Variants in EPB41L3 observed in about 807,000 individuals in gnomAD.
The protein encoded by EPB41L3 is band 4.1-like protein 3.
A neutral mutation model predicts 127.1 loss-of-function variants in EPB41L3; 57 were observed. The ratio of observed to expected loss-of-function variants is 0.45; its 90% CI spans 0.36 to 0.56. EPB41L3 has a LOEUF of 0.56. Among genes scored for constraint, EPB41L3 ranks in the 20% least tolerant of loss-of-function variants. The pLI is 0.00. For missense variants in EPB41L3, 1,273 were observed against 1,372.2 expected (o/e 0.93, Z 1.14); for synonymous variants, 572 against 549.5 (o/e 1.04, Z -0.57).
At chr18:5,426,464 C>A (rs1168256524) in intron 9 of EPB41L3, among the ~76,000 whole-genome samples, 2 of 152,216 alleles carry the variant, frequency 1.3e-5, no homozygotes, top group African/African-American at 2.4e-5. Context: ...TCCCTCCCGT[C>A]TATTCCCACA....
chr18:5,508,561 A>T (rs2148636750), intron 1 of EPB41L3, among the ~76,000 whole-genome samples: 1 of 152,010 alleles, frequency 6.6e-6, no homozygotes, highest in African/African-American at 2.4e-5. Flanking sequence ...AGGTCAGGAG[A>T]TCGAGACCAT....
chr18:5,439,932 GAATA>G (rs2080426047), intron 5 of EPB41L3, among the ~76,000 whole-genome samples: 2 of 152,152 alleles, frequency 1.3e-5, no homozygotes, highest in Non-Finnish European at 2.9e-5. Flanking sequence ...TGAATCCAAT[GAATA>G]GTTTAGCAAT....
intron 3 of EPB41L3, among the ~76,000 whole-genome samples, chr18:5,456,343 G>T (rs1442034150): frequency 1.3e-5 from 2 of 152,108 alleles, no homozygotes; most frequent in Non-Finnish European, 2.9e-5. Context: ...GAAAGAGAAA[G>T]AATATCAAGG....
chr18:5,424,178 T>C, intron 10 of EPB41L3, 84 bp downstream of exon 10: 1 of 945,472 alleles, frequency 1.1e-6, no homozygotes, highest in Non-Finnish European at 1.5e-6. Flanking sequence ...AAGAATAAAA[T>C]TCCATATTTT....
intron 1 of EPB41L3, among the ~76,000 whole-genome samples, chr18:5,541,115 T>C (rs1598832449): frequency 1.4e-5 from 2 of 142,002 alleles, no homozygotes; most frequent in African/African-American, 5.2e-5. Flanking sequence ...TAGCAGGGTG[T>C]GGTGGTGGTC....
chr18:5,436,431 C>T (rs190996343), intron 6 of EPB41L3, among the ~76,000 whole-genome samples: 5,704 of 111,020 alleles, frequency 0.051, 418 homozygotes, highest in African/African-American at 0.17. Context: ...TTTTTTGAGA[C>T]GGAGTCTCAC....
intron 3 of EPB41L3, among the ~76,000 whole-genome samples, chr18:5,558,602 G>A (rs1238440932): frequency 6.6e-6 from 1 of 152,186 alleles, no homozygotes; most frequent in Non-Finnish European, 1.5e-5. Flanking sequence ...GTCAGTCAGA[G>A]TTGAGTTTAA....
At position 5,415,975 on chromosome 18, in the gene EPB41L3, A is replaced by T. The variant is rs746659318; in HGVS notation, c.1910T>A (p.Leu637His). ...AGACAGCAGAAAGAAAAAGATGAAG[A>T]GGAAACAGGGCACAAGGGACGGTGA... ...IRSPSLVPCF[L>H]FIFFFLLSAS... The change falls in exon 13 of 23, where the codon CTC (leucine) becomes CAC (histidine). Residue 637 changes from leucine to histidine, a missense_variant. Leu to His is a moderately conservative substitution (Grantham distance 99). Coordinates refer to ENST00000341928, the MANE Select transcript of EPB41L3 (RefSeq NM_012307.5). 15 of 1,614,008 alleles carry T rather than the reference A, an allele frequency of 9.3e-6. No homozygotes were observed. The highest frequency in any genetic ancestry group is 1.1e-5 in the Non-Finnish European group (13 of 1,180,034).
intron 9 of EPB41L3, among the ~76,000 whole-genome samples, chr18:5,427,240 G>A (rs935421661): frequency 1.3e-5 from 2 of 152,138 alleles, no homozygotes; most frequent in South Asian, 4.2e-4. Context: ...GAAGATAAGA[G>A]ATAATTCTAT....
intron 1 of EPB41L3, among the ~76,000 whole-genome samples, chr18:5,616,063 A>C (rs1253322532): frequency 6.6e-6 from 1 of 152,052 alleles, no homozygotes; most frequent in Non-Finnish European, 1.5e-5. Flanking sequence ...CTCCCTTGGT[A>C]ATCTCATGGG....
chr18:5,597,048 C>A (rs1391584453), intron 3 of EPB41L3, among the ~76,000 whole-genome samples: 1 of 152,110 alleles, frequency 6.6e-6, no homozygotes, highest in Admixed American at 6.5e-5. Flanking sequence ...CTTTGCGACA[C>A]CCCCATCTCT....
At chr18:5,475,196 T>C (rs1230391685) in intron 3 of EPB41L3, among the ~76,000 whole-genome samples, 1 of 152,200 alleles carries the variant, frequency 6.6e-6, no homozygotes, top group African/African-American at 2.4e-5. Flanking sequence ...CAAAGTCCAT[T>C]GTTCGTATTA....
intron 2 of EPB41L3, chr18:5,479,921 G>A (rs775511343): frequency 1.3e-5 from 2 of 151,982 alleles, no homozygotes; most frequent in Admixed American, 6.6e-5. Flanking sequence ...AGAGAAGTTT[G>A]GTTACTTTGG....
chr18:5,409,256 G>C (rs557518669), intron 14 of EPB41L3, among the ~76,000 whole-genome samples: 7 of 152,138 alleles, frequency 4.6e-5, no homozygotes, highest in Non-Finnish European at 8.8e-5. Context: ...GTACTCCCTT[G>C]CATGCTTTAA....
At chr18:5,510,601 G>T (rs1237945621) in intron 1 of EPB41L3, among the ~76,000 whole-genome samples, 3 of 152,158 alleles carry the variant, frequency 2.0e-5, no homozygotes, top group African/African-American at 7.2e-5. Context: ...CTTTATTTCT[G>T]GACTATCAGT....
rs2094352044 is a variant in EPB41L3, at chr18:5,577,880, T to C, written c.-306+34460A>G. On this transcript the variant is annotated intron_variant, in intron 3 of 21. Coordinates refer to the EPB41L3 transcript ENST00000545076. ...GAGATCAACAGGATAATTATACTGATTTTTGCTTTTAATTTTGCCAAAGAC... is the reference window on the plus strand; with the variant it reads ...GAGATCAACAGGATAATTATACTGACTTTTGCTTTTAATTTTGCCAAAGAC... 2.0e-5 allele frequency among the ~76,000 whole-genome samples: 3 copies of C among 152,338 alleles called. No homozygotes were observed. In the South Asian group the frequency reaches 6.2e-4, roughly 32 times the overall value.
intron 3 of EPB41L3, among the ~76,000 whole-genome samples, chr18:5,449,525 C>A (rs1277759628): frequency 6.7e-6 from 1 of 148,516 alleles, no homozygotes; most frequent in Admixed American, 6.7e-5. Context: ...AACTTGCACA[C>A]AAATGTTTAT....
intron 13 of EPB41L3, 151 bp downstream of exon 13, chr18:5,415,667 G>T: frequency 1.3e-6 from 1 of 796,554 alleles, no homozygotes; most frequent in Non-Finnish European, 1.9e-6. Context: ...GCCCAGGTTG[G>T]ACTCCCCAAC....
chr18:5,503,406 T>C (rs1319179344), intron 1 of EPB41L3, among the ~76,000 whole-genome samples: 1 of 152,138 alleles, frequency 6.6e-6, no homozygotes, highest in African/African-American at 2.4e-5. Context: ...TAAGTGCAGG[T>C]GTACAGAATC....
Sources: allele counts gnomAD v4.1 joint callset (sites outside exome capture counted in the v4.1 genomes callset), GRCh38; gene constraint gnomAD v4.1.1; transcripts MANE v1.5; gene names NCBI Gene and HGNC (gene_info 2026-07-23, HGNC 2026-07-21).